FLT3: variants seen among roughly 807,000 people sequenced by gnomAD.
FLT3 encodes the protein receptor-type tyrosine-protein kinase FLT3.
Under a neutral mutation model 126.6 loss-of-function variants are expected in FLT3, and 46 were observed. The ratio of observed to expected loss-of-function variants is 0.36; its 90% CI spans 0.29 to 0.46. FLT3 has a LOEUF of 0.46. Ranked by LOEUF, FLT3 falls within the 20% of genes least tolerant of loss-of-function variation. The pLI is 1.00. For synonymous variants in FLT3, 404 were observed against 434.4 expected, an observed-to-expected ratio of 0.93 and a Z score of 0.87; for missense variants, 1,069 against 1,190.3, an observed-to-expected ratio of 0.90 and a Z score of 1.50.
At chr13:28,082,414 C>T (rs1327851115) in intron 1 of FLT3, among the ~76,000 whole-genome samples, 1 of 152,124 alleles carries the variant, frequency 6.6e-6, no homozygotes, top group Non-Finnish European at 1.5e-5. Flanking sequence ...CCCCTTGCCT[C>T]GTCCTGCCAA....
chr13:28,041,036 G>T (rs1476492770), intron 9 of FLT3, among the ~76,000 whole-genome samples: 1 of 151,896 alleles, frequency 6.6e-6, no homozygotes, highest in Non-Finnish European at 1.5e-5. Context: ...CAAGAAGGCT[G>T]AAGAAGTCAA....
intron 17 of FLT3, among the ~76,000 whole-genome samples, chr13:28,026,123 G>C (rs982410049): frequency 2.6e-4 from 39 of 152,068 alleles, no homozygotes; most frequent in African/African-American, 4.3e-4. Context: ...GGCCTAGGTG[G>C]GTGGATCAAC....
chr13:28,028,432 C>A, intron 15 of FLT3, 144 bp from the exon 16 acceptor site: 1 of 603,788 alleles, frequency 1.7e-6, no homozygotes, highest in Non-Finnish European at 3.0e-6. Flanking sequence ...CATGGTGGGT[C>A]ATGCCTGTAA....
intron 2 of FLT3, among the ~76,000 whole-genome samples, chr13:28,064,983 G>T (rs1442957750): frequency 6.6e-5 from 10 of 152,114 alleles, no homozygotes; most frequent in Admixed American, 2.0e-4. Context: ...ACACCAGGGG[G>T]TACTATGTAG....
chr13:28,096,778 G>A lies in FLT3; in HGVS notation c.43+3690C>T, dbSNP rs756121347. Among the ~76,000 whole-genome samples the A allele has an allele frequency of 1.3e-4, 20 of 152,226 alleles. No individual in the cohort carries two copies. In the Middle Eastern group the frequency reaches 0.01, roughly 78 times the overall value. ...TATATTTAGTAATCATAATAACTGT[G>A]TTGGAAGGTTTAATAAAAGAAAGCA... On this transcript the variant is annotated intron_variant, in intron 1 of 23. Coordinates refer to ENST00000241453, the MANE Select transcript of FLT3 (RefSeq NM_004119.3).
At chr13:28,051,133 T>G (rs1875416896) in intron 5 of FLT3, among the ~76,000 whole-genome samples, 1 of 152,384 alleles carries the variant, frequency 6.6e-6, no homozygotes, top group Middle Eastern at 3.4e-3. Context: ...CCAGGCTATC[T>G]GGCTCTGGAT....
chr13:28,049,204 G>T (rs1040305056), intron 8 of FLT3, among the ~76,000 whole-genome samples, 180 bp downstream of exon 8: 1 of 152,166 alleles, frequency 6.6e-6, no homozygotes, highest in Non-Finnish European at 1.5e-5. Flanking sequence ...AGCGAGCCTG[G>T]TTTAACGGGA....
intron 1 of FLT3, among the ~76,000 whole-genome samples, chr13:28,078,406 G>A (rs1878103395): frequency 6.6e-6 from 1 of 152,228 alleles, no homozygotes; most frequent in South Asian, 2.1e-4. Flanking sequence ...GCCAAGGCTT[G>A]TAGCTTCCAC....
At chr13:28,071,344 GAATCT>G (rs1877504316) in intron 1 of FLT3, among the ~76,000 whole-genome samples, 2 of 151,800 alleles carry the variant, frequency 1.3e-5, no homozygotes, top group African/African-American at 4.8e-5. Flanking sequence ...GGTGCTTATA[GAATCT>G]TTTCTTTGAA....
chr13:28,030,821 T>A (rs538617760), intron 15 of FLT3, among the ~76,000 whole-genome samples: 1 of 152,164 alleles, frequency 6.6e-6, no homozygotes, highest in African/African-American at 2.4e-5. Flanking sequence ...AGACCATCAC[T>A]TGAGCCCAGG....
chr13:28,011,739 T>C (rs796686809), intron 23 of FLT3, among the ~76,000 whole-genome samples: 3 of 151,604 alleles, frequency 2.0e-5, no homozygotes, highest in African/African-American at 7.3e-5. Context: ...CTTTCTTCTT[T>C]CTTTTTTTTC....
At chr13:28,037,629 A>G (rs1043246652) in intron 9 of FLT3, among the ~76,000 whole-genome samples, 3 of 152,314 alleles carry the variant, frequency 2.0e-5, no homozygotes, top group Admixed American at 6.5e-5. Flanking sequence ...CAGTGAGACC[A>G]GGAAGTTCCT....
At chr13:28,087,773 A>C (rs12429764) in intron 1 of FLT3, among the ~76,000 whole-genome samples, 24,417 of 152,028 alleles carry the variant, frequency 0.16, 2,142 homozygotes, top group Middle Eastern at 0.26. Flanking sequence ...CAAGTCCACT[A>C]ATCTTTTCTC....
In FLT3 at chr13:28,014,461, T is replaced by C; in HGVS notation, c.2850A>G (p.Ala950=). 1.9e-6 allele frequency: 3 copies of C among 1,612,358 alleles called. No homozygotes were observed. Among genetic ancestry groups the C allele is most frequent in the Non-Finnish European group, 2.5e-6 (3 of 1,178,382 alleles). ...TSFLGCQLAD[A]EEAMYQNVDG... The stretch of plus-strand genomic sequence containing the variant: ...CCTGGCTGCTACATACCGCTTCTTC[T>C]GCATCTGCCAGCTGACATCCTAAAA... Residue 950 remains alanine, a synonymous_variant, in exon 23 of 24, where the codon GCA becomes GCG. Coordinates refer to ENST00000241453, the MANE Select transcript of FLT3 (RefSeq NM_004119.3).
chr13:28,086,110 C>G (rs1209316666), intron 1 of FLT3, among the ~76,000 whole-genome samples: 1 of 152,134 alleles, frequency 6.6e-6, no homozygotes, highest in East Asian at 1.9e-4. Flanking sequence ...AGATTTAAAT[C>G]TACTATATTG....
At chr13:28,080,104 G>A (rs1208794253) in intron 1 of FLT3, among the ~76,000 whole-genome samples, 1 of 152,188 alleles carries the variant, frequency 6.6e-6, no homozygotes, top group Non-Finnish European at 1.5e-5. Context: ...GGCCGGGCAC[G>A]GTGGCTCATG....
In FLT3 at chr13:28,015,579, G is replaced by T; in HGVS notation, c.2653+11C>A. The T allele has an allele frequency of 6.4e-7, 1 of 1,555,186 alleles. No individual in the cohort carries two copies. The highest frequency in any genetic ancestry group is 8.9e-7 in the Non-Finnish European group (1 of 1,127,982). On this transcript the variant is annotated intron_variant, in intron 21 of 23. Transcript: ENST00000241453. ...CAGGAGCCAAGGGAGGCCAGCAGCT[G>T]CCCAACTTACCAAGTGAGAAGATTT...
At chr13:28,074,295 C>A (rs1400532434) in intron 1 of FLT3, among the ~76,000 whole-genome samples, 1 of 152,110 alleles carries the variant, frequency 6.6e-6, no homozygotes, top group African/African-American at 2.4e-5. Flanking sequence ...ATATATAACA[C>A]AATTTGTTTT....
intron 1 of FLT3, among the ~76,000 whole-genome samples, chr13:28,091,511 G>C (rs191017470): frequency 6.6e-6 from 1 of 151,656 alleles, no homozygotes; most frequent in South Asian, 2.1e-4. Flanking sequence ...GTGAGCCACC[G>C]CGCCCGGCCC....
Sources: gnomAD v4.1 joint callset for allele counts (sites outside exome capture counted in the v4.1 genomes callset) on GRCh38, gnomAD v4.1.1 for gene constraint, MANE v1.5 for transcripts, NCBI Gene and HGNC (gene_info 2026-07-23, HGNC 2026-07-21) for gene names.